The following LOC400499 variants were observed in gnomAD, a reference collection of about 807,000 sequenced individuals.
the LOC400499 span, among the ~76,000 whole-genome samples, chr16:11,426,326 C>T: frequency 6.6e-6 from 1 of 152,094 alleles, no homozygotes. Flanking sequence ...ATCCCAGCTA[C>T]TTGGGAGGCT....
the LOC400499 span, among the ~76,000 whole-genome samples, chr16:11,465,953 C>G: frequency 1.3e-5 from 2 of 152,168 alleles, no homozygotes; most frequent in Admixed American, 1.3e-4. Context: ...AACCTTGTGG[C>G]CTGGGAATTC....
the LOC400499 span, chr16:11,402,296 A>G: frequency 5.0e-6 from 2 of 397,400 alleles, no homozygotes; most frequent in East Asian, 7.1e-5. Context: ...ACACAGCCAG[A>G]TAATTTTCAC....
At chr16:11,400,015 A>G in the LOC400499 span, among the ~76,000 whole-genome samples, 607 of 151,678 alleles carry the variant, frequency 4.0e-3, 1 homozygote, top group Non-Finnish European at 6.8e-3. Flanking sequence ...CATCTCTGGA[A>G]GAGCTCAGAG....
chr16:11,403,475 G>C, the LOC400499 span, among the ~76,000 whole-genome samples: 1 of 148,276 alleles, frequency 6.7e-6, no homozygotes, highest in Non-Finnish European at 1.5e-5. Context: ...ACACACATGA[G>C]CACACATACA....
the LOC400499 span, chr16:11,393,364 C>T: frequency 8.1e-7 from 1 of 1,231,144 alleles, no homozygotes; most frequent in African/African-American, 1.6e-5. Context: ...GCCCAGCTAG[C>T]TGAGCTGGGA....
At chr16:11,417,881 G>C in the LOC400499 span, 1 of 398,600 alleles carries the variant, frequency 2.5e-6, no homozygotes, top group Non-Finnish European at 4.4e-6. Context: ...CCTGTGCAGA[G>C]AGAGCCAGCC....
the LOC400499 span, among the ~76,000 whole-genome samples, chr16:11,513,146 G>A: frequency 6.6e-6 from 1 of 152,272 alleles, no homozygotes; most frequent in Non-Finnish European, 1.5e-5. Flanking sequence ...CTGTAATCCT[G>A]TAATCCCAGC....
At chr16:11,402,779 G>C in the LOC400499 span, among the ~76,000 whole-genome samples, 1 of 152,168 alleles carries the variant, frequency 6.6e-6, no homozygotes, top group Non-Finnish European at 1.5e-5. Context: ...CGTGAGCAAG[G>C]CGCCACGCTT....
the LOC400499 span, among the ~76,000 whole-genome samples, chr16:11,511,565 G>A: frequency 3.3e-5 from 5 of 152,270 alleles, no homozygotes; most frequent in Admixed American, 6.5e-5. Flanking sequence ...CTTAAACACC[G>A]TGCTGAGTGA....
the LOC400499 span, among the ~76,000 whole-genome samples, chr16:11,445,971 C>T: frequency 6.6e-6 from 1 of 151,426 alleles, no homozygotes; most frequent in African/African-American, 2.4e-5. Context: ...ACTGCAGGTA[C>T]CTACCACCAT....
chr16:11,424,621 T>G, the LOC400499 span, among the ~76,000 whole-genome samples: 2 of 152,214 alleles, frequency 1.3e-5, no homozygotes, highest in Non-Finnish European at 2.9e-5. Context: ...CCCATGTCCC[T>G]TAGGACTTCC....
At chr16:11,458,531 A>G in the LOC400499 span, among the ~76,000 whole-genome samples, 1 of 151,846 alleles carries the variant, frequency 6.6e-6, no homozygotes, top group South Asian at 2.1e-4. Context: ...GACAAACGGT[A>G]TGATTCCACG....
At chr16:11,431,969 T>C in the LOC400499 span, among the ~76,000 whole-genome samples, 2 of 152,230 alleles carry the variant, frequency 1.3e-5, no homozygotes, top group East Asian at 1.9e-4. Context: ...CTCACATGAA[T>C]GCTGCCTCTT....
the LOC400499 span, among the ~76,000 whole-genome samples, chr16:11,515,402 G>A: frequency 9.9e-5 from 15 of 152,150 alleles, no homozygotes; most frequent in South Asian, 4.1e-4. Flanking sequence ...GCTGCACTGA[G>A]CCATGATCAC....
chr16:11,488,929 T>C, the LOC400499 span: 1 of 398,288 alleles, frequency 2.5e-6, no homozygotes, highest in Non-Finnish European at 4.4e-6. Context: ...GCTGGCGCTG[T>C]CCAGAGAAAA....
the LOC400499 span, among the ~76,000 whole-genome samples, chr16:11,476,408 C>T: frequency 1.3e-5 from 2 of 152,018 alleles, no homozygotes; most frequent in Non-Finnish European, 2.9e-5. Context: ...CAGCTGCCCA[C>T]GGTCCCTGTC....
At chr16:11,386,426 G>A in the LOC400499 span, among the ~76,000 whole-genome samples, 1 of 152,250 alleles carries the variant, frequency 6.6e-6, no homozygotes, top group Non-Finnish European at 1.5e-5. Flanking sequence ...AGACCAGGCT[G>A]TTTTCTACAA....
chr16:11,421,634 C>T, the LOC400499 span, among the ~76,000 whole-genome samples: 1 of 152,154 alleles, frequency 6.6e-6, no homozygotes, highest in African/African-American at 2.4e-5. Flanking sequence ...GAACTCCTGA[C>T]CTCAAGTGAT....
chr16:11,494,549 G>C, the LOC400499 span: 825 of 397,024 alleles, frequency 2.1e-3, 10 homozygotes, highest in African/African-American at 0.015. Flanking sequence ...ACTGAAGCCG[G>C]TACTCAGGAC....
Sources: allele counts gnomAD v4.1 joint callset (sites outside exome capture counted in the v4.1 genomes callset), GRCh38; gene constraint gnomAD v4.1.1; transcripts MANE v1.5.